Variants in EVC2 observed in about 807,000 individuals in gnomAD.
The protein encoded by EVC2 is EvC ciliary complex subunit 2, also known as limbin.
A neutral mutation model predicts 149.3 loss-of-function variants in EVC2; 148 were observed. The observed-to-expected ratio is 0.99, with a 90% CI of 0.87 to 1.14. The LOEUF (loss-of-function observed/expected upper bound fraction) is 1.14, where lower values mean the gene tolerates loss of function less well. EVC2 is among the 50% of genes most tolerant of loss of function. EVC2 has a pLI of 0.00. For missense variants in EVC2, 1,854 were observed against 1,627.3 expected, an observed-to-expected ratio of 1.14 and a Z score of -2.40; for synonymous variants, 776 against 649.9, an observed-to-expected ratio of 1.19 and a Z score of -2.95.
chr4:5,595,092 T>C (rs542902081), intron 16 of EVC2, among the ~76,000 whole-genome samples: 1 of 152,124 alleles, frequency 6.6e-6, no homozygotes, highest in Non-Finnish European at 1.5e-5. Context: ...GTACGTCTGA[T>C]TGGTGTACGT....
At position 5,614,704 on chromosome 4, in the gene EVC2, A is replaced by G. The variant is rs1435352872; in HGVS notation, c.2829+718T>C. On this transcript the variant is annotated intron_variant, in intron 16 of 21. Coordinates refer to ENST00000344408, the MANE Select transcript of EVC2 (RefSeq NM_147127.5). The surrounding 1 kb of genome is among the most constrained non-coding windows in gnomAD (Gnocchi z 4.7). ...CGTATGAAATGGGGCTGGGCCAGGC[A>G]CAGTGCCTCACGCCTGTAATCCCAG... 2.6e-5 allele frequency among the ~76,000 whole-genome samples: 4 copies of G among 152,264 alleles called. No homozygotes were observed. The highest frequency in any genetic ancestry group is 9.6e-5 in the African/African-American group (4 of 41,556).
At chr4:5,535,103 T>C in the EVC2 span, among the ~76,000 whole-genome samples, 1 of 152,128 alleles carries the variant, frequency 6.6e-6, no homozygotes, top group Non-Finnish European at 1.5e-5. The surrounding 1 kb of genome is among the most constrained non-coding windows in gnomAD (Gnocchi z 4.7). Context: ...CCTCAAAGAA[T>C]ACCATATCCA....
At position 5,694,458 on chromosome 4, in the gene EVC2, G is replaced by C. The variant is rs1721335332; in HGVS notation, c.327C>G (p.Val109=). 2.5e-6 allele frequency: 4 copies of C among 1,614,068 alleles called. No individual in the cohort carries two copies. Among genetic ancestry groups the C allele is most frequent in the Non-Finnish European group, 3.4e-6 (4 of 1,180,046 alleles). Residue 109 remains valine, a synonymous_variant, in exon 3 of 22, where the codon GTC becomes GTG. Transcript: ENST00000344408. ...LGMKLDKKME[V]FIPLSTSAAS... is the part of the protein sequence containing the mutation. ...CTGCAGAAGTTGAGAGTGGGATGAAGACTTCCATTTTCTTGTCCAATTTCA... is the reference window on the plus strand; with the variant it reads ...CTGCAGAAGTTGAGAGTGGGATGAACACTTCCATTTTCTTGTCCAATTTCA...
chr4:5,620,510 C>T (rs1026422989), intron 14 of EVC2, among the ~76,000 whole-genome samples: 1 of 152,140 alleles, frequency 6.6e-6, no homozygotes, highest in Non-Finnish European at 1.5e-5. Context: ...TTATAGTAAC[C>T]CTATCTTGGT....
chr4:5,626,543 C>T (rs139401178), intron 12 of EVC2, among the ~76,000 whole-genome samples: 146 of 152,110 alleles, frequency 9.6e-4, no homozygotes, highest in African/African-American at 3.3e-3. Context: ...ACCATCTTGG[C>T]CAGGCTGGTC....
intron 21 of EVC2, 41 bp downstream of exon 21, chr4:5,565,217 T>A: frequency 6.3e-7 from 1 of 1,599,894 alleles, no homozygotes. Context: ...GCAGCTTAGC[T>A]CACCCCCTCC....
At chr4:5,687,273 A>G (rs943474949) in intron 5 of EVC2, among the ~76,000 whole-genome samples, 2 of 152,118 alleles carry the variant, frequency 1.3e-5, no homozygotes, top group African/African-American at 4.8e-5. Flanking sequence ...AAAAGAAAAG[A>G]AAAGAAAAGA....
intron 21 of EVC2, among the ~76,000 whole-genome samples, chr4:5,549,996 C>T: frequency 6.6e-6 from 1 of 152,142 alleles, no homozygotes; most frequent in East Asian, 1.9e-4. Context: ...GTGACTTGCT[C>T]GTCCTTGCTT....
intron 21 of EVC2, among the ~76,000 whole-genome samples, chr4:5,543,791 G>A (rs1006267206): frequency 1.3e-5 from 2 of 152,178 alleles, no homozygotes; most frequent in African/African-American, 2.4e-5. Flanking sequence ...CAGCCCCTGT[G>A]GGGTTGGCAC....
At position 5,677,526 on chromosome 4, in the gene EVC2, T is replaced by C. The variant is rs1002307320; in HGVS notation, c.870+3734A>G. Among the ~76,000 whole-genome samples, 1 of 152,132 alleles carries C rather than the reference T, an allele frequency of 6.6e-6. No individual in the cohort carries two copies. The highest frequency in any genetic ancestry group is 1.5e-5 in the Non-Finnish European group (1 of 68,018). ...ATCCCAGGGGGCAACTATTCCTCTT[T>C]CTCCTGAAGGCAACATGCAGGTGAC... On this transcript the variant is annotated intron_variant, in intron 7 of 21. Coordinates refer to ENST00000344408, the MANE Select transcript of EVC2 (RefSeq NM_147127.5). This position sits in a 1 kb window ranked among gnomAD's most constrained non-coding sequence, Gnocchi z 4.3.
Position 5,562,643 on chromosome 4 carries a change from T to C in EVC2, c.*205A>G. The C allele has an allele frequency of 2.2e-5, 31 of 1,440,450 alleles. No individual in the cohort carries two copies. In the South Asian group the frequency reaches 4.4e-4, roughly 20 times the overall value. 89.2% of individuals were successfully genotyped at this position (1,440,450 alleles called of 1,614,324 possible). The stretch of plus-strand genomic sequence containing the variant: ...GAAAGAAGGAGTGTTTATGTCCTTG[T>C]GATATGGAAGAGAGTGGGCCATCTG... On this transcript the variant is annotated 3_prime_UTR_variant, in exon 22 of 22. Coordinates refer to ENST00000344408, the MANE Select transcript of EVC2 (RefSeq NM_147127.5). This position sits in a 1 kb window ranked among gnomAD's most constrained non-coding sequence, Gnocchi z 4.3.
chr4:5,616,606 A>G (rs7662980), intron 15 of EVC2, among the ~76,000 whole-genome samples: 36,188 of 152,188 alleles, frequency 0.24, 4,810 homozygotes, highest in East Asian at 0.6. Flanking sequence ...CCCATTTTAC[A>G]GATGAAAACA....
rs1223944482 is a variant in EVC2 at position 5,670,053 on chromosome 4, C to T, written c.871-4404G>A. ...TCTGTGTTGTTAAATTATGCTAGGT[C>T]CTGCCCTGCCTACAATGCCTCTACT... is the stretch of plus-strand genomic sequence containing the variant. On this transcript the variant is annotated intron_variant, in intron 7 of 21. Transcript: ENST00000344408. This position sits in a 1 kb window ranked among gnomAD's most constrained non-coding sequence, Gnocchi z 5.2. Among the ~76,000 whole-genome samples the T allele has an allele frequency of 6.6e-6, 1 of 152,140 alleles. No individual in the cohort carries two copies. The highest frequency in any genetic ancestry group is 1.5e-5 in the Non-Finnish European group (1 of 68,018).
At chr4:5,595,604 C>G (rs1713320666) in intron 16 of EVC2, among the ~76,000 whole-genome samples, 1 of 152,176 alleles carries the variant, frequency 6.6e-6, no homozygotes, top group South Asian at 2.1e-4. Flanking sequence ...GTACCAGCCA[C>G]TGCAAAATCA....
At chr4:5,529,362 T>C in the EVC2 span, among the ~76,000 whole-genome samples, 1 of 152,224 alleles carries the variant, frequency 6.6e-6, no homozygotes, top group South Asian at 2.1e-4. This position sits in a 1 kb window ranked among gnomAD's most constrained non-coding sequence, Gnocchi z 4.5. Flanking sequence ...ATAGGTGCTA[T>C]ATTTACCTCC....
chr4:5,566,968 AT>A (rs1429838741), intron 20 of EVC2, among the ~76,000 whole-genome samples: 1 of 152,158 alleles, frequency 6.6e-6, no homozygotes, highest in Non-Finnish European at 1.5e-5. Context: ...TATTTTTAAT[AT>A]TATTAATAAT....
Position 5,565,291 on chromosome 4 carries a change from T to C in EVC2, c.3626A>G (p.Glu1209Gly), listed in dbSNP as rs1380869200. ...LRGDLISRGL[E>G]KMLWARKRKQ... Reference sequence around the variant, plus strand: ...TCTCTTGCGGGCCCACAGCATCTTTTCTAATCCTCTGCTTATCAGATCTCC... The same window carrying C: ...TCTCTTGCGGGCCCACAGCATCTTTCCTAATCCTCTGCTTATCAGATCTCC... Residue 1209 changes from glutamate to glycine, a missense_variant, in exon 21 of 22, where the codon GAA becomes GGA. Physicochemically the swap from Glu to Gly is moderately conservative, Grantham distance 98 (BLOSUM62 -2). Transcript: ENST00000344408. The C allele has an allele frequency of 1.2e-6, 2 of 1,614,126 alleles. No individual in the cohort carries two copies. Among genetic ancestry groups the C allele is most frequent in the Non-Finnish European group, 1.7e-6 (2 of 1,180,020 alleles).
intron 1 of EVC2, 62 bp from the exon 2 acceptor site, chr4:5,697,709 T>C (rs1560235996): frequency 1.4e-6 from 2 of 1,455,074 alleles, no homozygotes; most frequent in East Asian, 2.3e-5. Context: ...TGATAATAAA[T>C]AATCTTTGTA....
intron 19 of EVC2, among the ~76,000 whole-genome samples, chr4:5,573,172 T>C (rs1220266779): frequency 1.3e-5 from 2 of 152,092 alleles, no homozygotes; most frequent in Non-Finnish European, 2.9e-5. Flanking sequence ...AGAATAATGA[T>C]CCCTCCCCAA....
Sources: allele counts gnomAD v4.1 joint callset (sites outside exome capture counted in the v4.1 genomes callset), GRCh38; gene constraint gnomAD v4.1.1; non-coding constraint Gnocchi (gnomAD v3.1); transcripts MANE v1.5; gene names NCBI Gene and HGNC (gene_info 2026-07-23, HGNC 2026-07-21).